Variants in DLC1 observed in about 807,000 individuals in gnomAD.
DLC1 encodes rho GTPase-activating protein 7.
Under a neutral mutation model 140.3 loss-of-function variants are expected in DLC1, and 54 were observed. The ratio of observed to expected loss-of-function variants is 0.38; its 90% CI spans 0.31 to 0.48. The LOEUF (loss-of-function observed/expected upper bound fraction) is 0.48. DLC1 is among the 20% of genes least tolerant of loss of function. The pLI, the probability that DLC1 is intolerant of heterozygous loss-of-function variation, is 0.96. For synonymous variants in DLC1, 986 were observed against 728.1 expected (o/e 1.35, Z -5.70); for missense variants, 2,536 against 1,907.0 (o/e 1.33, Z -6.14).
At chr8:13,133,114 G>T in intron 5 of DLC1, 1 of 1,473,620 alleles carries the variant, frequency 6.8e-7, no homozygotes. Context: ...CTTGCTCGCC[G>T]CTCCCTGCCC....
At chr8:13,126,589 T>C (rs1821592729) in intron 5 of DLC1, among the ~76,000 whole-genome samples, 4 of 151,178 alleles carry the variant, frequency 2.6e-5, no homozygotes, top group Admixed American at 2.6e-4. Flanking sequence ...CTGAGTCTCA[T>C]TTTTTTTTGG....
At chr8:13,318,461 G>A (rs755636778) in intron 4 of DLC1, among the ~76,000 whole-genome samples, 3 of 152,202 alleles carry the variant, frequency 2.0e-5, no homozygotes, top group Non-Finnish European at 4.4e-5. Flanking sequence ...AAGTGTCCAT[G>A]TCAAGTTTTG....
intron 2 of DLC1, among the ~76,000 whole-genome samples, chr8:13,481,625 T>C (rs1800740535): frequency 6.6e-6 from 1 of 152,174 alleles, no homozygotes; most frequent in South Asian, 2.1e-4. Flanking sequence ...GATAGAAAAT[T>C]TACAGCCCCG....
chr8:13,400,451 A>C (rs928202210), intron 3 of DLC1, among the ~76,000 whole-genome samples: 1 of 152,212 alleles, frequency 6.6e-6, no homozygotes, highest in Non-Finnish European at 1.5e-5. Context: ...CCTTTACACT[A>C]CAAAGTTCAT....
intron 5 of DLC1, among the ~76,000 whole-genome samples, chr8:13,282,963 G>A (rs1831415300): frequency 6.6e-6 from 1 of 152,092 alleles, no homozygotes; most frequent in East Asian, 1.9e-4. Flanking sequence ...CATAAAGAAT[G>A]ACAGACATTG....
chr8:13,565,270 C>T (rs1804386310), intron 1 of DLC1, among the ~76,000 whole-genome samples: 1 of 152,064 alleles, frequency 6.6e-6, no homozygotes, highest in African/African-American at 2.4e-5. Flanking sequence ...ACAGATTACC[C>T]CAGACATTTG....
At chr8:13,350,717 A>AT (rs1305470034) in intron 4 of DLC1, among the ~76,000 whole-genome samples, 2,511 of 138,658 alleles carry the variant, frequency 0.018, 79 homozygotes, top group African/African-American at 0.059. Context: ...CTCGATCTTA[A>AT]AAAATAAATA....
At chr8:13,392,977 G>C (rs1015995645) in intron 4 of DLC1, among the ~76,000 whole-genome samples, 1 of 152,108 alleles carries the variant, frequency 6.6e-6, no homozygotes, top group African/African-American at 2.4e-5. Flanking sequence ...GAAAATGTTT[G>C]ATGTGGATGT....
At chr8:13,116,258 T>G in intron 5 of DLC1, 1 of 984,180 alleles carries the variant, frequency 1.0e-6, no homozygotes, top group Non-Finnish European at 1.2e-6. Flanking sequence ...TCCCACAATC[T>G]TGGCAGGCAG....
intron 4 of DLC1, among the ~76,000 whole-genome samples, chr8:13,311,921 A>C (rs1832676781): frequency 6.6e-6 from 1 of 152,216 alleles, no homozygotes; most frequent in South Asian, 2.1e-4. Context: ...CTCTGTCTTC[A>C]ACAAATCCTG....
At chr8:13,190,992 T>C (rs1460174526) in intron 5 of DLC1, among the ~76,000 whole-genome samples, 1 of 150,766 alleles carries the variant, frequency 6.6e-6, no homozygotes, top group Non-Finnish European at 1.5e-5. Context: ...AGTATGTGTT[T>C]GGGGGAGTGC....
chr8:13,209,329 A>T, intron 5 of DLC1, among the ~76,000 whole-genome samples: 1 of 152,102 alleles, frequency 6.6e-6, no homozygotes, highest in East Asian at 1.9e-4. Flanking sequence ...TATAATTTTC[A>T]CTATATAAAC....
At chr8:13,530,131 C>T (rs1411487279) in intron 1 of DLC1, among the ~76,000 whole-genome samples, 1 of 152,090 alleles carries the variant, frequency 6.6e-6, no homozygotes, top group Non-Finnish European at 1.5e-5. Context: ...ATGATGTCAC[C>T]TGAGGAATGG....
At chr8:13,500,227 G>A (rs777249597) in intron 1 of DLC1, 31 bp from the exon 2 acceptor site, 30 of 614,490 alleles carry the variant, frequency 4.9e-5, no homozygotes, top group Admixed American at 6.3e-5. Flanking sequence ...ATATGTAGTC[G>A]CAGATACGTT....
intron 5 of DLC1, among the ~76,000 whole-genome samples, chr8:13,286,744 A>C (rs1197886172): frequency 6.6e-6 from 1 of 150,848 alleles, no homozygotes; most frequent in Non-Finnish European, 1.5e-5. Context: ...AAAAAAAAAC[A>C]CATGAAAAAA....
At chr8:13,517,535 C>G (rs73559524), upstream of DLC1, among the ~76,000 whole-genome samples, 3,572 of 152,124 alleles carry the variant, frequency 0.023, 164 homozygotes, top group African/African-American at 0.081. Context: ...ATCTTATAGT[C>G]TTATAAAGGC....
chr8:13,435,917 C>G (rs917437685), intron 2 of DLC1, among the ~76,000 whole-genome samples: 1 of 152,202 alleles, frequency 6.6e-6, no homozygotes, highest in Non-Finnish European at 1.5e-5. Flanking sequence ...AACTATTACT[C>G]CCATCAGTCA....
chr8:13,262,590 T>C (rs1830509214), intron 5 of DLC1, among the ~76,000 whole-genome samples: 1 of 152,150 alleles, frequency 6.6e-6, no homozygotes. Context: ...GATGAGGCCT[T>C]GTCCTGGCAC....
chr8:13,189,732 A>G (rs935948588), intron 5 of DLC1, among the ~76,000 whole-genome samples: 3 of 152,034 alleles, frequency 2.0e-5, no homozygotes, highest in African/African-American at 4.8e-5. Flanking sequence ...AAAATACAAA[A>G]TTAGCCAAGT....
Sources: gnomAD v4.1 joint callset for allele counts (sites outside exome capture counted in the v4.1 genomes callset) on GRCh38, gnomAD v4.1.1 for gene constraint, MANE v1.5 for transcripts, NCBI Gene and HGNC (gene_info 2026-07-23, HGNC 2026-07-21) for gene names.